The following GABRG3 variants were observed in gnomAD, a reference collection of about 807,000 sequenced individuals.
GABRG3 encodes gamma-aminobutyric acid type A receptor subunit gamma3.
Under a neutral mutation model 48.8 loss-of-function variants are expected in GABRG3, and 25 were observed. The observed-to-expected ratio is 0.51, with a 90% confidence interval of 0.37 to 0.72. The LOEUF is 0.72. Ranked by LOEUF, GABRG3 falls within the 30% of genes least tolerant of loss-of-function variation. GABRG3 has a pLI of 0.00. For missense variants in GABRG3, 394 were observed against 577.9 expected, an observed-to-expected ratio of 0.68 and a Z score of 3.26; for synonymous variants, 227 against 217.6, an observed-to-expected ratio of 1.04 and a Z score of -0.38.
At chr15:27,083,725 A>C (rs544665876) in intron 3 of GABRG3, among the ~76,000 whole-genome samples, 50 of 152,214 alleles carry the variant, frequency 3.3e-4, no homozygotes, top group Non-Finnish European at 6.3e-4. Flanking sequence ...TGAAATCTAC[A>C]TATGGATCAT....
intron 3 of GABRG3, among the ~76,000 whole-genome samples, chr15:27,308,915 C>G (rs1243374393): frequency 6.7e-6 from 1 of 149,356 alleles, no homozygotes; most frequent in African/African-American, 2.5e-5. Context: ...AGAATGTAAA[C>G]ATATGTTTAT....
chr15:27,391,949 CAT>C (rs1159861893), intron 5 of GABRG3, among the ~76,000 whole-genome samples: 4 of 152,216 alleles, frequency 2.6e-5, no homozygotes, highest in Admixed American at 6.5e-5. Flanking sequence ...GGATGAGAAT[CAT>C]GTGCTGAAAT....
intron 3 of GABRG3, chr15:27,208,010 AG>A (rs1270742237): frequency 6.6e-6 from 1 of 152,514 alleles, no homozygotes; most frequent in African/African-American, 2.4e-5. Flanking sequence ...TGCTGGGATC[AG>A]GGTACAGTGT....
chr15:27,155,634 C>T (rs117375946), intron 3 of GABRG3, among the ~76,000 whole-genome samples: 8 of 152,240 alleles, frequency 5.3e-5, no homozygotes, highest in East Asian at 1.9e-4. Flanking sequence ...GTCCAGTTTC[C>T]GTCCTTGGGT....
chr15:27,408,493 C>T (rs1464068061), intron 5 of GABRG3, among the ~76,000 whole-genome samples: 1 of 152,122 alleles, frequency 6.6e-6, no homozygotes, highest in African/African-American at 2.4e-5. Flanking sequence ...GAAATTATTT[C>T]TAACTATTAA....
At chr15:27,041,749 G>C (rs1896280295) in intron 3 of GABRG3, among the ~76,000 whole-genome samples, 1 of 152,174 alleles carries the variant, frequency 6.6e-6, no homozygotes, top group African/African-American at 2.4e-5. Context: ...CACCAGATGT[G>C]TTGGCCAGGT....
chr15:27,007,379 A>C (rs969986117), intron 2 of GABRG3, among the ~76,000 whole-genome samples: 1 of 152,100 alleles, frequency 6.6e-6, no homozygotes, highest in Admixed American at 6.6e-5. Flanking sequence ...TGCCTGGCCC[A>C]CATGCATGTG....
intron 6 of GABRG3, among the ~76,000 whole-genome samples, chr15:27,511,362 C>T (rs987666129): frequency 2.6e-4 from 40 of 152,126 alleles, no homozygotes; most frequent in Non-Finnish European, 5.4e-4. Context: ...CGTGTCCCCT[C>T]TGATAGCGAA....
At chr15:27,320,439 C>G (rs1465493182) in intron 3 of GABRG3, among the ~76,000 whole-genome samples, 2 of 152,088 alleles carry the variant, frequency 1.3e-5, no homozygotes, top group South Asian at 2.1e-4. Flanking sequence ...ACCTGGAGCC[C>G]ACAGCTTGTG....
chr15:27,400,420 G>A (rs371503861), intron 5 of GABRG3, among the ~76,000 whole-genome samples: 53 of 152,120 alleles, frequency 3.5e-4, no homozygotes, highest in African/African-American at 1.2e-3. Context: ...TTAAAATACT[G>A]TCTTACAATG....
chr15:27,369,661 A>G (rs1489738075), intron 5 of GABRG3, among the ~76,000 whole-genome samples: 17 of 151,696 alleles, frequency 1.1e-4, no homozygotes, highest in African/African-American at 3.9e-4. Context: ...CAAAAAATTA[A>G]CCAGACGTGG....
chr15:27,092,575 TG>T (rs1177350214), intron 3 of GABRG3, among the ~76,000 whole-genome samples: 2 of 152,178 alleles, frequency 1.3e-5, no homozygotes, highest in Admixed American at 1.3e-4. Flanking sequence ...CTCTGTGTCG[TG>T]TTGCCCCGTC....
chr15:27,410,923 C>T (rs1207075013), intron 5 of GABRG3, among the ~76,000 whole-genome samples: 2 of 151,126 alleles, frequency 1.3e-5, no homozygotes, highest in Non-Finnish European at 2.9e-5. Context: ...AGATAATTTA[C>T]AGGCCTGCCT....
At chr15:27,200,558 G>A (rs1015753152) in intron 3 of GABRG3, among the ~76,000 whole-genome samples, 7 of 152,042 alleles carry the variant, frequency 4.6e-5, no homozygotes, top group South Asian at 2.1e-4. Flanking sequence ...CCTCCTTCAC[G>A]GAGCTCATTT....
At chr15:27,210,326 T>A (rs1889033191) in intron 3 of GABRG3, among the ~76,000 whole-genome samples, 1 of 152,110 alleles carries the variant, frequency 6.6e-6, no homozygotes, top group African/African-American at 2.4e-5. Context: ...AATAAGTGAG[T>A]TTAGATGAGT....
At chr15:27,399,024 G>A (rs1887402891) in intron 5 of GABRG3, among the ~76,000 whole-genome samples, 1 of 152,108 alleles carries the variant, frequency 6.6e-6, no homozygotes, top group Non-Finnish European at 1.5e-5. Context: ...AATTGTTTAT[G>A]AGCTTTAGTC....
intron 5 of GABRG3, chr15:27,362,546 T>G (rs1895058529): frequency 6.6e-6 from 1 of 152,230 alleles, no homozygotes; most frequent in Non-Finnish European, 1.5e-5. Flanking sequence ...AGCAAAAAAC[T>G]ACACTGAAAG....
At chr15:26,999,338 T>A (rs1306561166) in intron 2 of GABRG3, among the ~76,000 whole-genome samples, 1 of 152,152 alleles carries the variant, frequency 6.6e-6, no homozygotes, top group African/African-American at 2.4e-5. Context: ...AACTCATGGA[T>A]TTTGATATAG....
rs1894678738 is a variant in GABRG3, at chr15:27,353,000, C to T, written c.574+24112C>T. On this transcript the variant is annotated intron_variant, in intron 5 of 9. Transcript: ENST00000615808. The surrounding 1 kb of genome is among the most constrained non-coding windows in gnomAD (Gnocchi z 4.0). Reference sequence around the variant, plus strand: ...TTGAAGTGTGACGTCTACAAACCTCCCGACTTCTGTGTTCCTTCATGTTCT... The same window carrying T: ...TTGAAGTGTGACGTCTACAAACCTCTCGACTTCTGTGTTCCTTCATGTTCT... Among the ~76,000 whole-genome samples, 1 of 152,144 alleles carries T rather than the reference C, an allele frequency of 6.6e-6. No individual in the cohort carries two copies. Among genetic ancestry groups the T allele is most frequent in the Admixed American group, 6.5e-5 (1 of 15,274 alleles).
Sources: allele counts gnomAD v4.1 joint callset (sites outside exome capture counted in the v4.1 genomes callset), GRCh38; gene constraint gnomAD v4.1.1; non-coding constraint Gnocchi (gnomAD v3.1); transcripts MANE v1.5; gene names NCBI Gene and HGNC (gene_info 2026-07-23, HGNC 2026-07-21).